The following CPAMD8 variants were observed in gnomAD, a reference collection of about 807,000 sequenced individuals.
CPAMD8 encodes the protein C3 and PZP like alpha-2-macroglobulin domain containing 8.
Under a neutral mutation model 224.7 loss-of-function variants are expected in CPAMD8, and 146 were observed. The observed-to-expected ratio is 0.65, with a 90% CI of 0.57 to 0.75. The LOEUF (loss-of-function observed/expected upper bound fraction) is 0.75. CPAMD8 is among the 30% of genes least tolerant of loss of function. The pLI is 0.00. For missense variants in CPAMD8, 2,301 were observed against 2,537.5 expected (o/e 0.91, Z 2.00); for synonymous variants, 966 against 1,044.6 (o/e 0.92, Z 1.45).
chr19:16,994,515 C>CTTTTTTTTTTTTTT (rs71180347), intron 11 of CPAMD8, among the ~76,000 whole-genome samples: 1 of 105,300 alleles, frequency 9.5e-6, no homozygotes, highest in Non-Finnish European at 1.8e-5. Flanking sequence ...TAACCACTCC[C>CTTTTTTTTTTTTTT]TTTTTTTTTT....
At chr19:16,923,612 G>A (rs1406425969) in intron 26 of CPAMD8, among the ~76,000 whole-genome samples, 4 of 152,244 alleles carry the variant, frequency 2.6e-5, no homozygotes, top group African/African-American at 9.6e-5. Flanking sequence ...ATCTCCAGAT[G>A]AGAGCATCTT....
In CPAMD8 at chr19:16,989,520, C is replaced by A. The variant is rs192827917; in HGVS notation, c.1395+123G>T. 729 of 1,213,608 alleles carry A rather than the reference C, an allele frequency of 6.0e-4. 4 individuals carry two copies. In the African/African-American group the frequency reaches 9.4e-3, roughly 16 times the overall value. 75.2% of individuals were successfully genotyped at this position (1,213,608 alleles called of 1,614,324 possible). Reference sequence around the variant, plus strand: ...CAGGCTGGTCTCGAAATCCTAACCTCCAGTGATCCGCCTGCCTCGGCCTCC... The same window carrying A: ...CAGGCTGGTCTCGAAATCCTAACCTACAGTGATCCGCCTGCCTCGGCCTCC... On this transcript the variant is annotated intron_variant, in intron 13 of 41. Coordinates refer to ENST00000443236, the MANE Select transcript of CPAMD8 (RefSeq NM_015692.5).
chr19:16,975,358 C>T, intron 16 of CPAMD8, 100 bp from the exon 17 acceptor site: 1 of 891,822 alleles, frequency 1.1e-6, no homozygotes, highest in South Asian at 1.6e-5. Context: ...ACCTCTTTAT[C>T]ACGTCATGAC....
At chr19:16,991,111 A>C (rs577799910) in intron 12 of CPAMD8, among the ~76,000 whole-genome samples, 2 of 146,444 alleles carry the variant, frequency 1.4e-5, no homozygotes, top group African/African-American at 5.0e-5. Flanking sequence ...CCCCACAAAA[A>C]ACTTTGGACA....
Position 16,899,486 on chromosome 19 carries a change from A to G in CPAMD8, c.4837T>C (p.Tyr1613His), listed in dbSNP as rs1188388410. ...CCGGCTGGTGGTACCTCATCAAAGT[A>G]GAAGAGCACTCGGCGTCCAGCCACT... ...YEVAGRRVLF[Y>H]FDEIPSRCLT... The change falls in exon 37 of 42, where the codon TAC (tyrosine) becomes CAC (histidine). Residue 1613 changes from tyrosine to histidine, a missense_variant. This residue lies in a region of CPAMD8 where 1,709 missense variants were observed against 1,753.2 expected (regional missense o/e 0.97). Coordinates refer to ENST00000443236, the MANE Select transcript of CPAMD8 (RefSeq NM_015692.5). This position sits in a 1 kb window ranked among gnomAD's most constrained non-coding sequence, Gnocchi z 5.4. 2 of 1,536,496 alleles carry G rather than the reference A, an allele frequency of 1.3e-6. No individual in the cohort carries two copies. The highest frequency in any genetic ancestry group is 4.5e-5 in the East Asian group (2 of 44,492).
At chr19:16,989,880 A>G in intron 12 of CPAMD8, 109 bp from the exon 13 acceptor site, 1 of 1,060,412 alleles carries the variant, frequency 9.4e-7, no homozygotes, top group South Asian at 1.4e-5. Context: ...TCATGCTCCA[A>G]TATCCCTTTG....
chr19:16,971,062 G>C, intron 17 of CPAMD8, 29 bp from the exon 18 acceptor site: 1 of 1,565,968 alleles, frequency 6.4e-7, no homozygotes, highest in Non-Finnish European at 8.7e-7. Context: ...CCAAACCATT[G>C]GTGGGGAAGT....
At chr19:16,924,640 G>A (rs909680415) in intron 26 of CPAMD8, among the ~76,000 whole-genome samples, 1 of 152,156 alleles carries the variant, frequency 6.6e-6, no homozygotes, top group Admixed American at 6.5e-5. Flanking sequence ...GAGTGCAGTG[G>A]CACAATCACA....
rs138431941 is a variant in CPAMD8, at chr19:16,929,284, G to A, written c.2846-44C>T. 521 of 1,507,520 alleles carry A rather than the reference G, an allele frequency of 3.5e-4. No homozygotes were observed. The African/African-American group carries it at 5.7e-3, about 17-fold the overall frequency. The allele number at this position is 1,507,520 out of a possible 1,614,324, so 93.4% of individuals were successfully genotyped here. A position where few individuals can be genotyped will look rare whatever the true frequency, so the allele number is the denominator to read the frequency against. On this transcript the variant is annotated intron_variant, in intron 23 of 41. Transcript: ENST00000443236. ...ATGGGGAGTTGAGAGGGCACCTGGA[G>A]GCATCCCACTTTCCCTGATGGTACC...
At chr19:16,955,956 C>T (rs1459315110) in intron 19 of CPAMD8, among the ~76,000 whole-genome samples, 1 of 152,172 alleles carries the variant, frequency 6.6e-6, no homozygotes, top group East Asian at 1.9e-4. Context: ...GGATTACAGG[C>T]ATAAGCCACC....
chr19:16,926,829 T>G (rs2053382110), intron 25 of CPAMD8, among the ~76,000 whole-genome samples: 1 of 152,154 alleles, frequency 6.6e-6, no homozygotes, highest in Non-Finnish European at 1.5e-5. Context: ...CTCATTCAGT[T>G]CCATCTTAGT....
At chr19:16,927,364 G>A (rs571338152) in intron 25 of CPAMD8, among the ~76,000 whole-genome samples, 4 of 152,000 alleles carry the variant, frequency 2.6e-5, no homozygotes, top group East Asian at 1.9e-4. Flanking sequence ...CGTACCTGTC[G>A]CCTTCCACCA....
At chr19:16,904,176 A>AGGGGGC in intron 32 of CPAMD8, 50 bp downstream of exon 32, 7 of 937,338 alleles carry the variant, frequency 7.5e-6, no homozygotes, top group Non-Finnish European at 1.2e-5. Context: ...GACTGCAGGG[A>AGGGGGC]CCCCACCCAC....
intron 40 of CPAMD8, 21 bp from the exon 41 acceptor site, chr19:16,896,347 G>A (rs761386354): frequency 4.4e-6 from 7 of 1,586,352 alleles, no homozygotes; most frequent in African/African-American, 1.3e-5. Flanking sequence ...GGGGGCCTCG[G>A]TCGGGAGGGC....
At chr19:16,923,926 G>A (rs773495526) in intron 26 of CPAMD8, among the ~76,000 whole-genome samples, 1 of 151,892 alleles carries the variant, frequency 6.6e-6, no homozygotes, top group African/African-American at 2.4e-5. Context: ...ATTGCACTCC[G>A]GCCTGGGTGA....
In CPAMD8 at chr19:16,892,992, G is replaced by C. The variant is rs769003827; in HGVS notation, c.*116C>G. ...AACGTGTATTCTTGTCAATATCCTG[G>C]AGTGATCATTTACCAGAGTTTTCTG... On this transcript the variant is annotated 3_prime_UTR_variant, in exon 42 of 42. Transcript: ENST00000443236. The C allele has an allele frequency of 1.3e-6, 1 of 771,456 alleles. No homozygotes were observed. Among genetic ancestry groups the C allele is most frequent in the Non-Finnish European group, 2.4e-6 (1 of 415,508 alleles). 47.8% of individuals were successfully genotyped at this position (771,456 alleles called of 1,614,324 possible).
At position 16,893,164 on chromosome 19, in the gene CPAMD8, AG is replaced by A; in HGVS notation, c.5601del (p.Gln1869ArgfsTer16). ...AAACCCTCCTCCCCACCACTCTGAA[AG>A]GCTGGGCTGTAGACGAAGACAGGGC... ...LLSPVFVYSP[A>X]FQSGGEEGLW... is the part of the protein sequence containing the mutation. On this transcript the variant is annotated frameshift_variant, in exon 42 of 42. Transcript: ENST00000443236. LOFTEE classifies it high-confidence loss of function. The A allele has an allele frequency of 6.3e-7, 1 of 1,591,698 alleles. No individual in the cohort carries two copies. Among genetic ancestry groups the A allele is most frequent in the Non-Finnish European group, 8.6e-7 (1 of 1,161,638 alleles).
chr19:16,915,873 TTC>T (rs907279994), intron 27 of CPAMD8, among the ~76,000 whole-genome samples: 6 of 150,884 alleles, frequency 4.0e-5, no homozygotes, highest in African/African-American at 9.7e-5. Flanking sequence ...CCTTTCTTCT[TTC>T]TCTCTTTTCT....
intron 8 of CPAMD8, among the ~76,000 whole-genome samples, chr19:17,003,231 C>T (rs1182177905): frequency 6.6e-6 from 1 of 151,206 alleles, no homozygotes; most frequent in Non-Finnish European, 1.5e-5. Flanking sequence ...GACAGGGTCT[C>T]ACTTTGTCAC....
Sources: gnomAD v4.1 joint callset for allele counts (sites outside exome capture counted in the v4.1 genomes callset) on GRCh38, gnomAD v4.1.1 for gene constraint, gnomAD v4.1.1 regional missense constraint, Gnocchi (gnomAD v3.1) non-coding constraint, MANE v1.5 for transcripts, NCBI Gene and HGNC (gene_info 2026-07-23, HGNC 2026-07-21) for gene names.